The following TCP11L2 variants were observed in gnomAD, a reference collection of about 807,000 sequenced individuals.
TCP11L2 encodes the protein T-complex protein 11-like protein 2.
In TCP11L2, 39 loss-of-function variants were observed where a neutral mutation model predicts 50.7. The observed-to-expected ratio is 0.77, with a 90% CI of 0.60 to 1.01. The LOEUF is 1.01. Among genes scored for constraint, TCP11L2 ranks in the 50% least tolerant of loss-of-function variants. The pLI is 0.00. For missense variants in TCP11L2, 612 were observed against 614.7 expected (o/e 1.00, Z 0.05); for synonymous variants, 192 against 219.3 (o/e 0.88, Z 1.10).
chr12:106,314,622 A>G, intron 3 of TCP11L2, 129 bp downstream of exon 3: 1 of 792,248 alleles, frequency 1.3e-6, no homozygotes, highest in Non-Finnish European at 1.9e-6. Flanking sequence ...AGATAGACAC[A>G]TATTTACACT....
intron 3 of TCP11L2, among the ~76,000 whole-genome samples, chr12:106,316,059 T>G (rs1172933375): frequency 6.6e-6 from 1 of 151,992 alleles, no homozygotes; most frequent in African/African-American, 2.4e-5. Context: ...AATATTAACA[T>G]TTTTTAAGCT....
intron 6 of TCP11L2, among the ~76,000 whole-genome samples, chr12:106,332,026 C>G (rs1345733695): frequency 6.6e-6 from 1 of 152,140 alleles, no homozygotes; most frequent in Non-Finnish European, 1.5e-5. Context: ...ATGTAAAAGA[C>G]TTGCCTGCCT....
intron 8 of TCP11L2, among the ~76,000 whole-genome samples, chr12:106,340,239 T>G (rs1048319092): frequency 3.3e-5 from 5 of 152,222 alleles, no homozygotes; most frequent in African/African-American, 1.2e-4. Context: ...AATAACTCAC[T>G]CTTTAATTAC....
chr12:106,312,463 C>T, intron 2 of TCP11L2: 1 of 1,145,752 alleles, frequency 8.7e-7, no homozygotes, highest in African/African-American at 1.6e-5. Context: ...ACTCTTTATA[C>T]TGTATGTGGT....
At chr12:106,315,355 C>T (rs932515479) in intron 3 of TCP11L2, among the ~76,000 whole-genome samples, 1 of 152,142 alleles carries the variant, frequency 6.6e-6, no homozygotes, top group Non-Finnish European at 1.5e-5. Context: ...TTGGTGAACC[C>T]CCTAGACTAC....
chr12:106,343,778 T>C (rs566499668), intron 9 of TCP11L2, among the ~76,000 whole-genome samples: 87 of 151,656 alleles, frequency 5.7e-4, no homozygotes, highest in African/African-American at 2.0e-3. Flanking sequence ...TGCCCCAGCC[T>C]CCCTAGTAGC....
intron 4 of TCP11L2, 97 bp from the exon 5 acceptor site, chr12:106,321,389 A>C: frequency 9.4e-7 from 1 of 1,065,730 alleles, no homozygotes; most frequent in East Asian, 2.6e-5. Context: ...AGGCACTAAA[A>C]TGTGGGCAAA....
rs189046714 is a variant in TCP11L2, at chr12:106,327,419, A to G, written c.772+3773A>G. Among the ~76,000 whole-genome samples, 7 of 152,220 alleles carry G rather than the reference A, an allele frequency of 4.6e-5. No homozygotes were observed. In the East Asian group the frequency reaches 5.8e-4, roughly 13 times the overall value. Reference sequence around the variant, plus strand: ...GTGTTGCTCAGGCTGGTCTCTAACTACTGGCTTCTTCCTGCCTCTCAACTT... The same window carrying G: ...GTGTTGCTCAGGCTGGTCTCTAACTGCTGGCTTCTTCCTGCCTCTCAACTT... On this transcript the variant is annotated intron_variant, in intron 6 of 9. Coordinates refer to ENST00000299045, the MANE Select transcript of TCP11L2 (RefSeq NM_152772.3).
intron 4 of TCP11L2, among the ~76,000 whole-genome samples, chr12:106,319,647 A>G (rs940315329): frequency 1.3e-5 from 2 of 152,250 alleles, no homozygotes; most frequent in African/African-American, 2.4e-5. Context: ...TAACATTTAC[A>G]AGGGCTTGCT....
intron 9 of TCP11L2, among the ~76,000 whole-genome samples, chr12:106,341,982 G>A (rs1459334349): frequency 6.6e-6 from 1 of 152,176 alleles, no homozygotes; most frequent in East Asian, 1.9e-4. Context: ...AACACCTGAT[G>A]AGAGTAGGGA....
At chr12:106,299,286 GT>G (rs1324131351), upstream of TCP11L2, among the ~76,000 whole-genome samples, 1 of 152,032 alleles carries the variant, frequency 6.6e-6, no homozygotes, top group Non-Finnish European at 1.5e-5. Flanking sequence ...GTCGTTTTTT[GT>G]TTGTTTGGGG....
chr12:106,304,231 G>A (rs1251332042), intron 1 of TCP11L2: 1 of 152,382 alleles, frequency 6.6e-6, no homozygotes, highest in Non-Finnish European at 1.5e-5. Context: ...GGGAAGCACA[G>A]GTATTAAAAC....
chr12:106,318,952 C>A lies in TCP11L2; in HGVS notation c.414+488C>A, dbSNP rs189541590. ...CGGAGTCTCACTCTGTCGCCCAGGCCGGACTGCGGACTGCAGTGGCGCAAT... is the reference window on the plus strand; with the variant it reads ...CGGAGTCTCACTCTGTCGCCCAGGCAGGACTGCGGACTGCAGTGGCGCAAT... On this transcript the variant is annotated intron_variant, in intron 4 of 9. Transcript: ENST00000299045. Among the ~76,000 whole-genome samples the A allele has an allele frequency of 4.0e-3, 607 of 151,566 alleles. 3 individuals carry two copies. Among genetic ancestry groups the A allele is most frequent in the African/African-American group, 0.014 (585 of 41,302 alleles).
upstream of TCP11L2, among the ~76,000 whole-genome samples, chr12:106,299,830 T>C (rs2034383162): frequency 6.6e-6 from 1 of 152,234 alleles, no homozygotes; most frequent in Non-Finnish European, 1.5e-5. Context: ...AGAAAAGTTA[T>C]AAGGCTGAGA....
At chr12:106,317,098 T>C (rs1012122320) in intron 3 of TCP11L2, among the ~76,000 whole-genome samples, 8 of 152,236 alleles carry the variant, frequency 5.3e-5, no homozygotes, top group African/African-American at 1.9e-4. Context: ...TAAAAGTGCC[T>C]TGCACATAAA....
intron 1 of TCP11L2, among the ~76,000 whole-genome samples, chr12:106,306,637 A>T (rs945825332): frequency 2.0e-5 from 3 of 151,646 alleles, no homozygotes; most frequent in East Asian, 3.9e-4. Context: ...TTTGTTTTTT[A>T]TGACATTACA....
intron 8 of TCP11L2, among the ~76,000 whole-genome samples, chr12:106,339,539 A>G (rs1421722188): frequency 6.6e-6 from 1 of 152,158 alleles, no homozygotes; most frequent in African/African-American, 2.4e-5. Context: ...TTCATCACGA[A>G]ATGTTTGCCA....
chr12:106,334,935 C>A (rs891806630), intron 6 of TCP11L2, among the ~76,000 whole-genome samples: 2 of 151,320 alleles, frequency 1.3e-5, no homozygotes, highest in African/African-American at 4.9e-5. Context: ...AGTGAGACCC[C>A]GTCTTAAAAA....
At chr12:106,317,789 A>G (rs536162125) in intron 3 of TCP11L2, among the ~76,000 whole-genome samples, 2 of 152,200 alleles carry the variant, frequency 1.3e-5, no homozygotes, top group Non-Finnish European at 2.9e-5. Context: ...ATTTTAAGGG[A>G]TTGACATAAG....
Sources: allele counts gnomAD v4.1 joint callset (sites outside exome capture counted in the v4.1 genomes callset), GRCh38; gene constraint gnomAD v4.1.1; transcripts MANE v1.5; gene names NCBI Gene and HGNC (gene_info 2026-07-23, HGNC 2026-07-21).